CELF2: variants seen among roughly 807,000 people sequenced by gnomAD.
The protein encoded by CELF2 is CUGBP Elav-like family member 2.
CELF2 carries 8 observed loss-of-function variants against 62.6 expected under a neutral mutation model. The ratio of observed to expected loss-of-function variants is 0.13; its 90% CI spans 0.07 to 0.23. CELF2 has a LOEUF of 0.23. CELF2 is among the 10% of genes least tolerant of loss of function. The pLI, the probability that CELF2 is intolerant of heterozygous loss-of-function variation, is 1.00. For missense variants in CELF2, 333 were observed against 671.0 expected (o/e 0.50, Z 5.56); for synonymous variants, 258 against 250.0 (o/e 1.03, Z -0.30).
chr10:10,759,844 C>A, the CELF2 span, among the ~76,000 whole-genome samples: 1 of 152,034 alleles, frequency 6.6e-6, no homozygotes, highest in Non-Finnish European at 1.5e-5. Context: ...AAATTATATT[C>A]TTGAAAAGAC....
chr10:11,219,321 G>A (rs1589267115), intron 3 of CELF2, among the ~76,000 whole-genome samples: 1 of 152,158 alleles, frequency 6.6e-6, no homozygotes, highest in African/African-American at 2.4e-5. Context: ...TTCTTACACT[G>A]ACTCTTAGAA....
the CELF2 span, among the ~76,000 whole-genome samples, chr10:10,655,321 C>T: frequency 7.7e-6 from 1 of 130,162 alleles, no homozygotes; most frequent in Admixed American, 7.8e-5. Context: ...GATTCAATGC[C>T]ATCCCCATCA....
chr10:10,581,983 G>A, the CELF2 span, among the ~76,000 whole-genome samples: 24,265 of 151,972 alleles, frequency 0.16, 2,216 homozygotes, highest in East Asian at 0.25. Flanking sequence ...AGCTGAGATC[G>A]TGCCACTGCA....
At chr10:10,716,872 T>A in the CELF2 span, among the ~76,000 whole-genome samples, 1 of 152,214 alleles carries the variant, frequency 6.6e-6, no homozygotes, top group African/African-American at 2.4e-5. Flanking sequence ...TGTGCCTAAA[T>A]TTCATGACCC....
chr10:10,651,765 T>C, the CELF2 span, among the ~76,000 whole-genome samples: 28 of 151,226 alleles, frequency 1.9e-4, no homozygotes, highest in African/African-American at 6.6e-4. Flanking sequence ...ACCACAAAGA[T>C]GGGGAAAAAA....
chr10:11,084,025 G>A (rs1010731538), intron 1 of CELF2, among the ~76,000 whole-genome samples: 2 of 152,148 alleles, frequency 1.3e-5, no homozygotes, highest in African/African-American at 4.8e-5. Flanking sequence ...GCCATTACCA[G>A]CCCACTGTGA....
At chr10:10,784,880 C>T in the CELF2 span, among the ~76,000 whole-genome samples, 1 of 152,134 alleles carries the variant, frequency 6.6e-6, no homozygotes, top group Non-Finnish European at 1.5e-5. Context: ...GTACAGGTGG[C>T]TGATAGAGTT....
At chr10:10,668,640 G>T in the CELF2 span, among the ~76,000 whole-genome samples, 1 of 152,042 alleles carries the variant, frequency 6.6e-6, no homozygotes, top group Non-Finnish European at 1.5e-5. Context: ...GTTATTATTT[G>T]CTTTTCATTT....
rs1004776862 is a variant in CELF2 at position 11,314,524 on chromosome 10, T to C, written c.1096+266T>C. Reference sequence around the variant, plus strand: ...TCCATGGGGTTCTGTGGCTGGCAGCTCTTTTCAGGTTTCCAGGAGTTTGGT... The same window carrying C: ...TCCATGGGGTTCTGTGGCTGGCAGCCCTTTTCAGGTTTCCAGGAGTTTGGT... On this transcript the variant is annotated intron_variant, in intron 10 of 12. Transcript: ENST00000633077. This position sits in a 1 kb window ranked among gnomAD's most constrained non-coding sequence, Gnocchi z 5.3. The C allele has an allele frequency of 2.0e-6, 1 of 499,850 alleles. No individual in the cohort carries two copies. Among genetic ancestry groups the C allele is most frequent in the African/African-American group, 1.9e-5 (1 of 51,468 alleles). 31.0% of individuals were successfully genotyped at this position (499,850 alleles called of 1,614,324 possible). A position where few individuals can be genotyped will look rare whatever the true frequency, so the allele number is the denominator to read the frequency against.
the CELF2 span, among the ~76,000 whole-genome samples, chr10:10,544,054 A>G: frequency 1.3e-5 from 2 of 152,242 alleles, no homozygotes; most frequent in African/African-American, 4.8e-5. Context: ...CATATGTTCT[A>G]AAGTTGTTAA....
chr10:10,682,010 C>T, the CELF2 span, among the ~76,000 whole-genome samples: 1 of 152,108 alleles, frequency 6.6e-6, no homozygotes, highest in South Asian at 2.1e-4. Context: ...CCAGAATAAT[C>T]CTCTGACATT....
At chr10:11,104,723 C>T (rs755935750) in intron 1 of CELF2, among the ~76,000 whole-genome samples, 2 of 152,218 alleles carry the variant, frequency 1.3e-5, no homozygotes, top group Non-Finnish European at 1.5e-5. Context: ...GAAAAATGTT[C>T]ACTAAATGCA....
At position 10,995,948 on chromosome 10, in the gene CELF2, G is replaced by A. The variant is rs1293301339; in HGVS notation, c.89+75949G>A. Among the ~76,000 whole-genome samples the A allele has an allele frequency of 1.3e-5, 2 of 152,168 alleles. No individual in the cohort carries two copies. The highest frequency in any genetic ancestry group is 2.4e-5 in the African/African-American group (1 of 41,442). ...AACATAAGACTCTTTTGATCTGGGT[G>A]CTGACTGCATGGGTATGTTCAGTCT... On this transcript the variant is annotated intron_variant, in intron 2 of 13. Coordinates refer to the CELF2 transcript ENST00000636488. The surrounding 1 kb of genome is among the most constrained non-coding windows in gnomAD (Gnocchi z 4.7).
At chr10:10,608,509 T>C in the CELF2 span, among the ~76,000 whole-genome samples, 1,158 of 152,344 alleles carry the variant, frequency 7.6e-3, 7 homozygotes, top group Non-Finnish European at 0.013. Flanking sequence ...ACTTGTGGGC[T>C]TGGATAGCTC....
chr10:10,941,243 T>C (rs2047015539), intron 2 of CELF2, among the ~76,000 whole-genome samples: 2 of 152,178 alleles, frequency 1.3e-5, no homozygotes, highest in Non-Finnish European at 2.9e-5. Context: ...GGAGACACCA[T>C]AGCCAACTTG....
At chr10:11,266,008 A>G (rs2082106831) in intron 5 of CELF2, among the ~76,000 whole-genome samples, 1 of 152,200 alleles carries the variant, frequency 6.6e-6, no homozygotes, top group Non-Finnish European at 1.5e-5. Flanking sequence ...TTTGCAACAG[A>G]CTTGGTATAT....
the CELF2 span, among the ~76,000 whole-genome samples, chr10:10,739,512 C>T: frequency 1.2e-4 from 18 of 152,290 alleles, no homozygotes; most frequent in African/African-American, 4.1e-4. Flanking sequence ...ATATTCCCAT[C>T]ATCCAGCTTC....
rs78978452 is a variant in CELF2 at position 11,117,430 on chromosome 10, A to G, written c.75-48056A>G. Among the ~76,000 whole-genome samples, 8,441 of 152,226 alleles carry G rather than the reference A, an allele frequency of 0.055. 275 individuals carry two copies. Among genetic ancestry groups the G allele is most frequent in the Middle Eastern group, 0.065 (19 of 294 alleles). On this transcript the variant is annotated intron_variant, in intron 1 of 12. Coordinates refer to ENST00000633077, the MANE Select transcript of CELF2 (RefSeq NM_001326342.2). This position sits in a 1 kb window ranked among gnomAD's most constrained non-coding sequence, Gnocchi z 4.1. ...TCGAAAAAGCCAGTGGCTCTCCAGG[A>G]ATGAAGATGCTCAAGGAGGCCTTGC...
chr10:10,699,920 AT>A, the CELF2 span, among the ~76,000 whole-genome samples: 459 of 152,270 alleles, frequency 3.0e-3, 7 homozygotes, highest in Non-Finnish European at 1.6e-3. Flanking sequence ...TTCCATCTTC[AT>A]GGAGACTGCT....
Sources: allele counts gnomAD v4.1 joint callset (sites outside exome capture counted in the v4.1 genomes callset), GRCh38; gene constraint gnomAD v4.1.1; non-coding constraint Gnocchi (gnomAD v3.1); transcripts MANE v1.5; gene names NCBI Gene and HGNC (gene_info 2026-07-23, HGNC 2026-07-21).